RALY: variants seen among roughly 807,000 people sequenced by gnomAD.
RALY encodes the protein RNA-binding protein Raly.
Under a neutral mutation model 30.7 loss-of-function variants are expected in RALY, and 15 were observed. That is an observed-to-expected ratio of 0.49 (90% CI 0.33 to 0.75). The LOEUF (loss-of-function observed/expected upper bound fraction) is 0.75, where lower values mean the gene tolerates loss of function less well. Ranked by LOEUF, RALY falls within the 30% of genes least tolerant of loss-of-function variation. The pLI is 0.02. For missense variants in RALY, 339 were observed against 414.3 expected, an observed-to-expected ratio of 0.82 and a Z score of 1.58; for synonymous variants, 177 against 170.8, an observed-to-expected ratio of 1.04 and a Z score of -0.28.
intron 1 of RALY, among the ~76,000 whole-genome samples, chr20:34,001,746 C>T (rs903103654): frequency 1.6e-4 from 24 of 152,102 alleles, no homozygotes; most frequent in Admixed American, 6.6e-5. Context: ...GATATGACCA[C>T]ACTATACTGA....
chr20:34,043,579 A>G (rs951864244), intron 2 of RALY, among the ~76,000 whole-genome samples: 2 of 152,120 alleles, frequency 1.3e-5, no homozygotes, highest in Non-Finnish European at 2.9e-5. Flanking sequence ...TCTTAGAATG[A>G]TATTTGAGGT....
chr20:34,030,544 C>T (rs553338073), intron 1 of RALY, among the ~76,000 whole-genome samples: 3 of 152,332 alleles, frequency 2.0e-5, no homozygotes, highest in South Asian at 4.1e-4. Context: ...AAGTTTGTCT[C>T]AGCTAGAATC....
chr20:34,025,591 A>G (rs1308327930), intron 1 of RALY, among the ~76,000 whole-genome samples: 1 of 151,722 alleles, frequency 6.6e-6, no homozygotes, highest in Non-Finnish European at 1.5e-5. Flanking sequence ...GGCGTGAGCC[A>G]CCTCACCTGG....
intron 1 of RALY, among the ~76,000 whole-genome samples, 169 bp from the exon 2 acceptor site, chr20:34,031,353 G>A (rs1381265241): frequency 2.6e-5 from 4 of 151,718 alleles, no homozygotes; most frequent in Non-Finnish European, 1.5e-5. Context: ...GAGCCACCGC[G>A]CCAGGCGTGC....
chr20:34,044,757 C>A (rs183357545), intron 2 of RALY, among the ~76,000 whole-genome samples: 59 of 152,250 alleles, frequency 3.9e-4, no homozygotes, highest in African/African-American at 1.3e-3. Flanking sequence ...GTTCCACAAG[C>A]CCGTAAGTTA....
In RALY at chr20:34,082,982, C is replaced by G. The variant is rs981053021; in HGVS notation, c.*3077C>G. 2 of 152,320 alleles carry G rather than the reference C, an allele frequency of 1.3e-5. No individual in the cohort carries two copies. Among genetic ancestry groups the G allele is most frequent in the African/African-American group, 4.8e-5 (2 of 41,562 alleles). 9.4% of individuals were successfully genotyped at this position (152,320 alleles called of 1,614,324 possible). Reference sequence around the variant, plus strand: ...TATACTGGATTGTGAGCTAAGAGGCCTGGGACTTTCCCCCTGTTGCTGCCA... The same window carrying G: ...TATACTGGATTGTGAGCTAAGAGGCGTGGGACTTTCCCCCTGTTGCTGCCA... On this transcript the variant is annotated 3_prime_UTR_variant, in exon 10 of 10. Transcript: ENST00000246194.
intron 1 of RALY, among the ~76,000 whole-genome samples, chr20:34,021,084 C>T (rs1428756062): frequency 6.6e-6 from 1 of 152,072 alleles, no homozygotes; most frequent in African/African-American, 2.4e-5. Context: ...GCCTCAGCTT[C>T]CCAAGTAGCT....
intron 2 of RALY, among the ~76,000 whole-genome samples, chr20:34,063,297 C>A (rs2033469592): frequency 1.3e-5 from 2 of 152,110 alleles, no homozygotes; most frequent in Non-Finnish European, 2.9e-5. Context: ...AAACCTAGGT[C>A]ATATGGCATG....
intron 1 of RALY, among the ~76,000 whole-genome samples, chr20:34,000,982 C>G (rs2030888383): frequency 6.6e-6 from 1 of 152,208 alleles, no homozygotes; most frequent in South Asian, 2.1e-4. Context: ...GAGAATTTAT[C>G]TCTGGAAGGA....
intron 1 of RALY, chr20:33,994,368 G>GC: frequency 6.5e-6 from 1 of 152,838 alleles, no homozygotes. Context: ...CCTGCTCCCG[G>GC]CGTTCCCTGT....
intron 2 of RALY, among the ~76,000 whole-genome samples, chr20:34,052,974 A>G (rs2033126646): frequency 6.6e-6 from 1 of 152,158 alleles, no homozygotes; most frequent in African/African-American, 2.4e-5. Context: ...TGGCTTTGGC[A>G]TTTAGTGGGG....
intron 1 of RALY, among the ~76,000 whole-genome samples, chr20:33,997,092 C>A (rs141519954): frequency 6.6e-6 from 1 of 152,176 alleles, no homozygotes; most frequent in East Asian, 1.9e-4. Context: ...TCTGCTGGCC[C>A]CCCAGTATCT....
chr20:34,059,092 T>C (rs2033341602), intron 2 of RALY, among the ~76,000 whole-genome samples: 1 of 152,156 alleles, frequency 6.6e-6, no homozygotes, highest in African/African-American at 2.4e-5. Context: ...CCCTAAGTTA[T>C]GTTTGGATCA....
rs180850169 is a variant in RALY, at chr20:34,084,097, T to C, written c.*4192T>C. On this transcript the variant is annotated 3_prime_UTR_variant, in exon 10 of 10. Transcript: ENST00000246194. ...GTCCTGCTTAGTGGGAGGAAGTTTATTGGCTCACAAATTGTAAAGTCCAGG... is the reference window on the plus strand; with the variant it reads ...GTCCTGCTTAGTGGGAGGAAGTTTACTGGCTCACAAATTGTAAAGTCCAGG... The C allele has an allele frequency of 2.0e-5, 3 of 152,324 alleles. No individual in the cohort carries two copies. Among genetic ancestry groups the C allele is most frequent in the East Asian group, 3.9e-4 (2 of 5,188 alleles). 9.4% of individuals were successfully genotyped at this position (152,324 alleles called of 1,614,324 possible). A position where few individuals can be genotyped will look rare whatever the true frequency, so the allele number is the denominator to read the frequency against.
intron 2 of RALY, among the ~76,000 whole-genome samples, chr20:34,040,995 G>A (rs969658259): frequency 2.0e-5 from 3 of 152,262 alleles, no homozygotes; most frequent in South Asian, 2.1e-4. Flanking sequence ...TGCCTTCAGT[G>A]TATTTTCCTG....
chr20:34,075,842 T>C (rs749802299), intron 5 of RALY, 32 bp from the exon 6 acceptor site: 3 of 1,598,662 alleles, frequency 1.9e-6, no homozygotes, highest in South Asian at 2.2e-5. Flanking sequence ...CCACAAGCCA[T>C]GCTGCAGCCT....
At chr20:34,006,983 C>T (rs138940860) in intron 1 of RALY, among the ~76,000 whole-genome samples, 34 of 152,212 alleles carry the variant, frequency 2.2e-4, no homozygotes, top group African/African-American at 7.7e-4. Flanking sequence ...CATTGCATTC[C>T]TATGGTGTGT....
chr20:34,016,730 G>A (rs2031620839), intron 1 of RALY: 1 of 152,232 alleles, frequency 6.6e-6, no homozygotes, highest in African/African-American at 2.4e-5. Flanking sequence ...AAAATTTCAT[G>A]CTGCTTTATG....
chr20:34,037,110 T>G (rs6120488), intron 2 of RALY, among the ~76,000 whole-genome samples: 1,772 of 152,340 alleles, frequency 0.012, 37 homozygotes, highest in African/African-American at 0.041. Flanking sequence ...AGTTTGCTCC[T>G]TCTGATACAG....
Sources: gnomAD v4.1 joint callset for allele counts (sites outside exome capture counted in the v4.1 genomes callset) on GRCh38, gnomAD v4.1.1 for gene constraint, MANE v1.5 for transcripts, NCBI Gene and HGNC (gene_info 2026-07-23, HGNC 2026-07-21) for gene names.